AK8: variants seen among roughly 807,000 people sequenced by gnomAD.
AK8 encodes the protein adenylate kinase 8.
Under a neutral mutation model 54.6 loss-of-function variants are expected in AK8, and 44 were observed. The observed-to-expected ratio is 0.81, with a 90% CI of 0.63 to 1.04. The LOEUF (loss-of-function observed/expected upper bound fraction) is 1.04. Among genes scored for constraint, AK8 ranks in the 50% least tolerant of loss-of-function variants. The pLI is 0.00. For synonymous variants in AK8, 239 were observed against 245.6 expected, an observed-to-expected ratio of 0.97 and a Z score of 0.25; for missense variants, 555 against 613.6, an observed-to-expected ratio of 0.90 and a Z score of 1.01.
At chr9:132,816,884 A>C (rs1841355558) in intron 9 of AK8, among the ~76,000 whole-genome samples, 1 of 152,192 alleles carries the variant, frequency 6.6e-6, no homozygotes, top group Admixed American at 6.5e-5. Context: ...TGAGACGGCC[A>C]GAATTTGTAG....
intron 11 of AK8, among the ~76,000 whole-genome samples, chr9:132,779,449 G>A (rs955175495): frequency 6.6e-6 from 1 of 152,252 alleles, no homozygotes; most frequent in African/African-American, 2.4e-5. Context: ...AGCCTCCCAA[G>A]TAGCTGGAAC....
chr9:132,733,055 G>A (rs1362938836), intron 11 of AK8, among the ~76,000 whole-genome samples: 1 of 152,100 alleles, frequency 6.6e-6, no homozygotes, highest in Non-Finnish European at 1.5e-5. Context: ...CTCCTCACTG[G>A]TGCCTGATGA....
rs769609667 is a variant in AK8, at chr9:132,860,701, T to C, written c.333+2964A>G. ...CCTGGCCATTTGGGATAGGTGGCTA[T>C]AGGGATGACTTAGTTCAGCTTCCTG... On this transcript the variant is annotated intron_variant, in intron 4 of 12. Transcript: ENST00000298545. This position sits in a 1 kb window ranked among gnomAD's most constrained non-coding sequence, Gnocchi z 4.4. 6.6e-6 allele frequency among the ~76,000 whole-genome samples: 1 copy of C among 152,214 alleles called. No homozygotes were observed. The highest frequency in any genetic ancestry group is 2.4e-5 in the African/African-American group (1 of 41,452).
rs1244775516 is a variant in AK8 at position 132,823,135 on chromosome 9, G to GC, written c.889+69dup. ...CAACACCACCCCCCATAAAATGAGAGCTGGGGAGGAGGGGCAGGAGGCAGG... is the reference window on the plus strand; with the variant it reads ...CAACACCACCCCCCATAAAATGAGAGCCTGGGGAGGAGGGGCAGGAGGCAGG... On this transcript the variant is annotated intron_variant, in intron 9 of 12. Transcript: ENST00000298545. 18 of 1,487,322 alleles carry GC rather than the reference G, an allele frequency of 1.2e-5. 1 individual carries two copies. The highest frequency in any genetic ancestry group is 8.9e-7 in the Non-Finnish European group (1 of 1,123,170). 92.1% of individuals were successfully genotyped at this position (1,487,322 alleles called of 1,614,324 possible).
At chr9:132,820,668 T>C (rs1022260807) in intron 9 of AK8, among the ~76,000 whole-genome samples, 1 of 152,272 alleles carries the variant, frequency 6.6e-6, no homozygotes, top group African/African-American at 2.4e-5. Flanking sequence ...CGTGTCCGTA[T>C]ATACTCCCAT....
chr9:132,750,363 C>A (rs868081176), intron 11 of AK8, among the ~76,000 whole-genome samples: 2 of 152,042 alleles, frequency 1.3e-5, no homozygotes, highest in Middle Eastern at 6.8e-3. Flanking sequence ...AAGTGAGCCA[C>A]CCGCCTTGGC....
rs191906339 is a variant in AK8, at chr9:132,771,386, T to C, written c.1121+21248A>G. On this transcript the variant is annotated intron_variant, in intron 11 of 12. Coordinates refer to ENST00000298545, the MANE Select transcript of AK8 (RefSeq NM_152572.3). ...CAGAACGGGCCAGGAATCATGCACATGGCAGCCCTCTCTGGATGTTTTTAC... is the reference window on the plus strand; with the variant it reads ...CAGAACGGGCCAGGAATCATGCACACGGCAGCCCTCTCTGGATGTTTTTAC... Among the ~76,000 whole-genome samples, 5 of 152,320 alleles carry C rather than the reference T, an allele frequency of 3.3e-5. No individual in the cohort carries two copies. The East Asian group carries it at 9.6e-4, about 29-fold the overall frequency.
chr9:132,858,296 G>A (rs1006923606), intron 4 of AK8, among the ~76,000 whole-genome samples: 2 of 152,242 alleles, frequency 1.3e-5, no homozygotes, highest in African/African-American at 2.4e-5. Context: ...GGTGCCGCCC[G>A]CTGTTTTGCT....
chr9:132,863,516 A>T, intron 4 of AK8, 149 bp downstream of exon 4: 1 of 622,942 alleles, frequency 1.6e-6, no homozygotes, highest in Non-Finnish European at 2.8e-6. Flanking sequence ...CTTCCTTCAC[A>T]CCCTGCCTGT....
intron 11 of AK8, among the ~76,000 whole-genome samples, chr9:132,750,221 C>A (rs74336249): frequency 6.6e-6 from 1 of 151,796 alleles, no homozygotes; most frequent in Non-Finnish European, 1.5e-5. Context: ...TGGGTTCAAG[C>A]GATTCTCCTG....
At chr9:132,838,542 T>G (rs1842416229) in intron 5 of AK8, among the ~76,000 whole-genome samples, 1 of 152,248 alleles carries the variant, frequency 6.6e-6, no homozygotes, top group South Asian at 2.1e-4. Flanking sequence ...AGGTTCAGAA[T>G]GGTCCAGGTG....
At chr9:132,843,336 C>T (rs951510262) in intron 5 of AK8, among the ~76,000 whole-genome samples, 1 of 152,146 alleles carries the variant, frequency 6.6e-6, no homozygotes, top group Non-Finnish European at 1.5e-5. Context: ...GATGTGCCTG[C>T]TCCCCCTTCA....
chr9:132,836,179 C>T (rs1354712556), intron 5 of AK8, among the ~76,000 whole-genome samples: 7 of 152,094 alleles, frequency 4.6e-5, no homozygotes, highest in African/African-American at 1.7e-4. Context: ...GTCCCAGCTT[C>T]TTGGGAGGCT....
In AK8 at chr9:132,814,745, A is replaced by C. The variant is rs1371025956; in HGVS notation, c.890-18T>G. Reference sequence around the variant, plus strand: ...ACAGCAGACTGAAGGAGAGGGGAACAGAAAGACACCCATTAAATTTTAAAT... The same window carrying C: ...ACAGCAGACTGAAGGAGAGGGGAACCGAAAGACACCCATTAAATTTTAAAT... On this transcript the variant is annotated intron_variant, in intron 9 of 12. Coordinates refer to ENST00000298545, the MANE Select transcript of AK8 (RefSeq NM_152572.3). 1 of 1,606,642 alleles carries C rather than the reference A, an allele frequency of 6.2e-7. No individual in the cohort carries two copies. Among genetic ancestry groups the C allele is most frequent in the South Asian group, 1.1e-5 (1 of 90,036 alleles).
chr9:132,817,347 T>A (rs391262), intron 9 of AK8, among the ~76,000 whole-genome samples: 30,977 of 152,086 alleles, frequency 0.2, 3,444 homozygotes, highest in East Asian at 0.44. Context: ...CTCCTTGACA[T>A]GCAAAAAAGC....
intron 8 of AK8, among the ~76,000 whole-genome samples, chr9:132,823,607 A>G (rs1054424301): frequency 1.2e-4 from 19 of 152,204 alleles, no homozygotes; most frequent in Admixed American, 3.3e-4. Flanking sequence ...AAACACGTGC[A>G]GGTGTCTGCA....
At chr9:132,806,579 G>A (rs894700043) in intron 10 of AK8, among the ~76,000 whole-genome samples, 5 of 152,190 alleles carry the variant, frequency 3.3e-5, no homozygotes, top group African/African-American at 9.7e-5. Flanking sequence ...ATAGCATTCC[G>A]CTTACCTCCT....
At chr9:132,750,535 C>G (rs991395683) in intron 11 of AK8, among the ~76,000 whole-genome samples, 17 of 152,134 alleles carry the variant, frequency 1.1e-4, no homozygotes, top group Admixed American at 7.9e-4. Context: ...AATATTCCAA[C>G]TCTGGGACAT....
At position 132,803,563 on chromosome 9, in the gene AK8, T is replaced by C. The variant is rs1840567909; in HGVS notation, c.980-10788A>G. Among the ~76,000 whole-genome samples, 1 of 152,138 alleles carries C rather than the reference T, an allele frequency of 6.6e-6. No individual in the cohort carries two copies. Among genetic ancestry groups the C allele is most frequent in the Admixed American group, 6.5e-5 (1 of 15,286 alleles). On this transcript the variant is annotated intron_variant, in intron 10 of 12. Coordinates refer to ENST00000298545, the MANE Select transcript of AK8 (RefSeq NM_152572.3). The surrounding 1 kb of genome is among the most constrained non-coding windows in gnomAD (Gnocchi z 4.4). ...TGAATTACAGACACAATTCCCTTTA[T>C]ATAGAGCAAGCCAACAAATGGGATC...
Sources: gnomAD v4.1 joint callset for allele counts (sites outside exome capture counted in the v4.1 genomes callset) on GRCh38, gnomAD v4.1.1 for gene constraint, Gnocchi (gnomAD v3.1) non-coding constraint, MANE v1.5 for transcripts, NCBI Gene and HGNC (gene_info 2026-07-23, HGNC 2026-07-21) for gene names.